Variants in GLI3 observed in about 807,000 individuals in gnomAD.
The protein encoded by GLI3 is GLI family zinc finger 3.
Under a neutral mutation model 100.8 loss-of-function variants are expected in GLI3, and 20 were observed. The ratio of observed to expected loss-of-function variants is 0.20; its 90% CI spans 0.14 to 0.29. The LOEUF is 0.29. Among genes scored for constraint, GLI3 ranks in the 10% least tolerant of loss-of-function variants. The pLI, the probability that GLI3 is intolerant of heterozygous loss-of-function variation, is 1.00. For missense variants in GLI3, 2,040 were observed against 2,128.5 expected, an observed-to-expected ratio of 0.96 and a Z score of 0.82; for synonymous variants, 938 against 860.5, an observed-to-expected ratio of 1.09 and a Z score of -1.58.
In GLI3 at chr7:41,967,802, C is replaced by G. The variant is rs766362972; in HGVS notation, c.2225G>C (p.Ser742Thr). Residue 742 changes from serine to threonine, a missense_variant, in exon 14 of 15, where the codon AGT (serine) becomes ACT (threonine). By Grantham distance (58) the Ser-to-Thr change is moderately conservative (BLOSUM62 1). Transcript: ENST00000395925. ...LTDGGSIGDLSAIDETPIMDS... is the reference protein window; with the variant it reads ...LTDGGSIGDLTAIDETPIMDS... ...CATGATTGGGGTTTCATCGATGGCA[C>G]TGAGGTCTCCTATACTACCTCCATC... is the stretch of plus-strand genomic sequence containing the variant. The G allele has an allele frequency of 4.3e-6, 7 of 1,614,040 alleles. No homozygotes were observed. The South Asian group carries it at 7.7e-5, about 18-fold the overall frequency.
chr7:42,041,646 TA>T (rs908104173), intron 6 of GLI3, among the ~76,000 whole-genome samples: 48 of 151,452 alleles, frequency 3.2e-4, no homozygotes, highest in African/African-American at 1.1e-3. Context: ...TTTCTTTATT[TA>T]AAAAAAAATG....
intron 3 of GLI3, among the ~76,000 whole-genome samples, chr7:42,111,935 GCTTA>G: frequency 6.6e-6 from 1 of 152,144 alleles, no homozygotes; most frequent in African/African-American, 2.4e-5. Flanking sequence ...CCACCCTAGT[GCTTA>G]GCTCCAGGGT....
At chr7:42,172,693 G>A (rs963554688) in intron 2 of GLI3, 15 of 698,894 alleles carry the variant, frequency 2.1e-5, no homozygotes, top group Non-Finnish European at 3.9e-5. Flanking sequence ...TTGCCTGGGA[G>A]AAGGGGATGA....
Position 41,965,102 on chromosome 7 carries a change from G to C in GLI3, c.3971C>G (p.Ala1324Gly), listed in dbSNP as rs372243067. The stretch of plus-strand genomic sequence containing the variant: ...CATGCTGTCGCCGAGGAGCTGGTGA[G>C]CCAGGTACCCCTGTCCCACTGGGTC... ...NQDPVGQGYLAHQLLGDSMQH... is the reference protein window; with the variant it reads ...NQDPVGQGYLGHQLLGDSMQH... The change falls in exon 15 of 15, where the codon GCT (alanine) becomes GGT (glycine). Residue 1324 changes from alanine (A) to glycine (G), a missense_variant. Physicochemically the swap from Ala to Gly is moderately conservative, Grantham distance 60 (BLOSUM62 0). This residue lies in a region of GLI3 where 1,041 missense variants were observed against 924.0 expected (regional missense o/e 1.13). Coordinates refer to ENST00000395925, the MANE Select transcript of GLI3 (RefSeq NM_000168.6). 6.8e-6 allele frequency: 11 copies of C among 1,613,756 alleles called. No homozygotes were observed. The African/African-American group carries it at 1.5e-4, about 21-fold the overall frequency.
At chr7:42,095,092 G>A (rs941764544) in intron 3 of GLI3, among the ~76,000 whole-genome samples, 2 of 152,222 alleles carry the variant, frequency 1.3e-5, no homozygotes, top group Non-Finnish European at 2.9e-5. Flanking sequence ...GGGCAAGGGC[G>A]TGCTTGGTGA....
At chr7:42,159,761 A>G (rs1441552374) in intron 2 of GLI3, among the ~76,000 whole-genome samples, 2 of 152,240 alleles carry the variant, frequency 1.3e-5, no homozygotes, top group Admixed American at 1.3e-4. Flanking sequence ...TGCATGGGCC[A>G]CTTACCAAAA....
chr7:41,972,430 C>T lies in GLI3; in HGVS notation c.2010G>A (p.Gln670=). The change falls in exon 13 of 15, where the codon CAG becomes CAA. Residue 670 remains glutamine (Q), a synonymous_variant. Transcript: ENST00000395925. This position sits in a 1 kb window ranked among gnomAD's most constrained non-coding sequence, Gnocchi z 4.4. ...SQSRSPGRPT[Q]GALGEQQDLS... is the part of the protein sequence containing the mutation. ...GGTCCTGCTGCTCACCAAGGGCTCC[C>T]TGAGTCGGTCGGCCAGGCGACCTGG... 1.2e-6 allele frequency: 2 copies of T among 1,613,698 alleles called. No individual in the cohort carries two copies. Among genetic ancestry groups the T allele is most frequent in the South Asian group, 1.1e-5 (1 of 91,068 alleles).
In GLI3 at chr7:41,964,978, T is replaced by C. The variant is rs779222747; in HGVS notation, c.4095A>G (p.Pro1365=). ...GCTGGCTGCCCATGCCGTGAGCCCC[T>C]GGCAGGCAGCTCTCTGGCCCTTGGT... ...NIYQGPESCL[P]GAHGMGSQPS... is the part of the protein sequence containing the mutation. Residue 1365 remains proline, a synonymous_variant, in exon 15 of 15, where the codon CCA becomes CCG. Coordinates refer to ENST00000395925, the MANE Select transcript of GLI3 (RefSeq NM_000168.6). The C allele has an allele frequency of 1.5e-5, 24 of 1,613,636 alleles. No homozygotes were observed. Among genetic ancestry groups the C allele is most frequent in the Non-Finnish European group, 1.7e-5 (20 of 1,180,036 alleles).
At chr7:42,200,351 A>G (rs969685342) in intron 2 of GLI3, among the ~76,000 whole-genome samples, 1 of 152,212 alleles carries the variant, frequency 6.6e-6, no homozygotes, top group African/African-American at 2.4e-5. Flanking sequence ...TTCAAAGCCA[A>G]CTCAGACAGG....
rs1360284658 is a variant in GLI3 at position 42,076,805 on chromosome 7, T to C, written c.420A>G (p.Arg140=). The part of the protein sequence containing the change: ...AFHPPVPIDA[R]HHEGRYHYDP... ...CGTAATGGTAACGGCCCTCATGATG[T>C]CTGGCATCAATTGGTACAGGAGGAT... The change falls in exon 4 of 15, where the codon AGA becomes AGG. Residue 140 remains arginine (R), a synonymous_variant. Coordinates refer to ENST00000395925, the MANE Select transcript of GLI3 (RefSeq NM_000168.6). 1.2e-6 allele frequency: 2 copies of C among 1,613,570 alleles called. No individual in the cohort carries two copies. The highest frequency in any genetic ancestry group is 2.2e-5 in the South Asian group (2 of 91,062).
intron 1 of GLI3, among the ~76,000 whole-genome samples, chr7:42,252,298 C>G (rs996831174): frequency 6.6e-6 from 1 of 151,968 alleles, no homozygotes; most frequent in African/African-American, 2.4e-5. Flanking sequence ...CAGTGAGAAC[C>G]AATGAACACA....
At chr7:42,174,762 C>T (rs73094364) in intron 2 of GLI3, among the ~76,000 whole-genome samples, 8 of 152,264 alleles carry the variant, frequency 5.3e-5, no homozygotes, top group East Asian at 3.9e-4. Context: ...GGTGACGGCA[C>T]GGGCGAGGAG....
In GLI3 at chr7:42,128,018, C is replaced by CAA. The variant is rs762509904; in HGVS notation, c.367+20206_367+20207dup. Reference sequence around the variant, plus strand: ...TGGGCGACAGAGCAAGACCCTGACTCAAAAAAAAAAAAAAGAAAAAGAAAA... The same window carrying CAA: ...TGGGCGACAGAGCAAGACCCTGACTCAAAAAAAAAAAAAAAAGAAAAAGAAAA... On this transcript the variant is annotated intron_variant, in intron 3 of 14. Transcript: ENST00000395925. 3.4e-3 allele frequency among the ~76,000 whole-genome samples: 293 copies of CAA among 84,960 alleles called. 2 individuals are homozygous for CAA. Among genetic ancestry groups the CAA allele is most frequent in the East Asian group, 0.033 (111 of 3,348 alleles). 55.7% of individuals were successfully genotyped at this position (84,960 alleles called of 152,430 possible).
chr7:42,006,440 A>G (rs1299144443), intron 10 of GLI3, among the ~76,000 whole-genome samples: 1 of 152,204 alleles, frequency 6.6e-6, no homozygotes, highest in South Asian at 2.1e-4. Flanking sequence ...AGAATTCTCT[A>G]TGAAACCTGC....
intron 3 of GLI3, among the ~76,000 whole-genome samples, chr7:42,100,635 G>A (rs1346753347): frequency 6.6e-6 from 1 of 151,986 alleles, no homozygotes; most frequent in Non-Finnish European, 1.5e-5. Flanking sequence ...CCACCTACTT[G>A]GGAGGCTGAG....
chr7:42,103,916 TA>T (rs1785520817), intron 3 of GLI3, among the ~76,000 whole-genome samples: 1 of 152,156 alleles, frequency 6.6e-6, no homozygotes. Context: ...ACAGAGTTAA[TA>T]AAAGAAGTGA....
chr7:42,159,181 C>G (rs1249210716), intron 2 of GLI3, among the ~76,000 whole-genome samples: 1 of 152,150 alleles, frequency 6.6e-6, no homozygotes, highest in Non-Finnish European at 1.5e-5. Flanking sequence ...GTGATGAACG[C>G]TTAGATGCAA....
rs1266578825 is a variant in GLI3 at position 42,014,931 on chromosome 7, T to A, written c.1497+8537A>T. Among the ~76,000 whole-genome samples, 3 of 152,252 alleles carry A rather than the reference T, an allele frequency of 2.0e-5. No homozygotes were observed. In the East Asian group the frequency reaches 5.8e-4, roughly 29 times the overall value. The stretch of plus-strand genomic sequence containing the variant: ...ATCAATGGTATACTTATGACTATTT[T>A]TAAATGTTCATAAAAGTGCACTTAA... On this transcript the variant is annotated intron_variant, in intron 10 of 14. Transcript: ENST00000395925.
At chr7:42,206,391 A>G (rs922025731) in intron 2 of GLI3, among the ~76,000 whole-genome samples, 1 of 152,170 alleles carries the variant, frequency 6.6e-6, no homozygotes, top group African/African-American at 2.4e-5. Flanking sequence ...CAGGTTTAAT[A>G]CATGTTAATA....
Sources: allele counts gnomAD v4.1 joint callset (sites outside exome capture counted in the v4.1 genomes callset), GRCh38; gene constraint gnomAD v4.1.1; regional missense constraint gnomAD v4.1.1; non-coding constraint Gnocchi (gnomAD v3.1); transcripts MANE v1.5; gene names NCBI Gene and HGNC (gene_info 2026-07-23, HGNC 2026-07-21).